The following THBS4 variants were observed in gnomAD, a reference collection of about 807,000 sequenced individuals.
THBS4 encodes thrombospondin-4.
Under a neutral mutation model 115.7 loss-of-function variants are expected in THBS4, and 90 were observed. The ratio of observed to expected loss-of-function variants is 0.78; its 90% CI spans 0.66 to 0.93. The LOEUF is 0.93. Ranked by LOEUF, THBS4 falls within the 40% of genes least tolerant of loss-of-function variation. The pLI is 0.00. For missense variants in THBS4, 1,087 were observed against 1,232.7 expected, an observed-to-expected ratio of 0.88 and a Z score of 1.77; for synonymous variants, 460 against 479.3, an observed-to-expected ratio of 0.96 and a Z score of 0.53.
At chr5:80,082,993 C>T in intron 21 of THBS4, 87 bp from the exon 22 acceptor site, 1 of 1,248,178 alleles carries the variant, frequency 8.0e-7, no homozygotes, top group Non-Finnish European at 1.2e-6. Context: ...ACAGCGCCCC[C>T]TACAGGACGC....
At chr5:80,021,061 G>C (rs1029973015) in intron 2 of THBS4, among the ~76,000 whole-genome samples, 1 of 152,156 alleles carries the variant, frequency 6.6e-6, no homozygotes, top group African/African-American at 2.4e-5. Flanking sequence ...TTGTTAAAAT[G>C]TTTTGGGCCA....
At chr5:80,064,317 A>G (rs1833736787) in intron 8 of THBS4, among the ~76,000 whole-genome samples, 1 of 152,224 alleles carries the variant, frequency 6.6e-6, no homozygotes, top group Admixed American at 6.5e-5. Context: ...CAGGGCTCTG[A>G]CTCAAGTCAA....
chr5:79,996,319 T>C (rs1010694913), intron 1 of THBS4, among the ~76,000 whole-genome samples: 1 of 152,230 alleles, frequency 6.6e-6, no homozygotes, highest in Non-Finnish European at 1.5e-5. Context: ...TCTTTAAATA[T>C]TCATTCAGTT....
rs1735912355 is a variant in THBS4, at chr5:80,082,456, T to C, written c.2735T>C (p.Ile912Thr). Residue 912 changes from isoleucine (I) to threonine (T), a missense_variant, in exon 21 of 22, where the codon ATA (isoleucine) becomes ACA (threonine). Ile to Thr is a moderately conservative substitution (Grantham distance 89). Around this residue, in one of 3 missense-constraint regions of THBS4, gnomAD observed 103 missense variants for 108.2 expected, o/e 0.95. Transcript: ENST00000350881. ...SELVADSGVTIDTTMRGGRLG... is the reference protein window; with the variant it reads ...SELVADSGVTTDTTMRGGRLG... Reference sequence around the variant, plus strand: ...TTGGTGGCTGACTCTGGCGTCACCATAGACACCACAATGCGTGGAGGCCGA... The same window carrying C: ...TTGGTGGCTGACTCTGGCGTCACCACAGACACCACAATGCGTGGAGGCCGA... 1.2e-6 allele frequency: 2 copies of C among 1,614,198 alleles called. No homozygotes were observed. Among genetic ancestry groups the C allele is most frequent in the Non-Finnish European group, 1.7e-6 (2 of 1,180,032 alleles).
chr5:80,079,330 C>T (rs1314181769), intron 19 of THBS4, 72 bp downstream of exon 19: 1 of 1,467,036 alleles, frequency 6.8e-7, no homozygotes, highest in Non-Finnish European at 9.1e-7. Flanking sequence ...ATTGTGTTTT[C>T]CCATGTGGTA....
intron 2 of THBS4, among the ~76,000 whole-genome samples, chr5:80,000,332 A>C (rs1054788463): frequency 6.6e-6 from 1 of 152,170 alleles, no homozygotes; most frequent in African/African-American, 2.4e-5. Context: ...TTCAGTTTCA[A>C]ATGTCTCAAA....
intron 19 of THBS4, 80 bp downstream of exon 19, chr5:80,079,338 GTACT>G (rs1395353032): frequency 7.0e-7 from 1 of 1,433,740 alleles, no homozygotes; most frequent in Admixed American, 2.5e-5. Flanking sequence ...TTCCCATGTG[GTACT>G]TAGTTAATCT....
chr5:80,020,245 G>A (rs1244423953), intron 2 of THBS4, among the ~76,000 whole-genome samples: 1 of 152,178 alleles, frequency 6.6e-6, no homozygotes, highest in Non-Finnish European at 1.5e-5. Context: ...AGCCGAGACA[G>A]GTGGATCACG....
intron 20 of THBS4, among the ~76,000 whole-genome samples, chr5:80,080,431 G>C (rs539652251): frequency 6.6e-6 from 1 of 152,026 alleles, no homozygotes; most frequent in Admixed American, 6.5e-5. Flanking sequence ...AGGTGTGGCA[G>C]GGTCTCTTCT....
At position 80,070,706 on chromosome 5, in the gene THBS4, G is replaced by A. The variant is rs367686922; in HGVS notation, c.1516G>A (p.Ala506Thr). The A allele has an allele frequency of 1.2e-5, 19 of 1,614,068 alleles. No individual in the cohort carries two copies. Among genetic ancestry groups the A allele is most frequent in the Middle Eastern group, 1.6e-4 (1 of 6,084 alleles). ...EDADRDGIGD[A>T]CDEDADGDGI... Reference sequence around the variant, plus strand: ...TGCAGACAGAGATGGCATTGGCGACGCTTGTGACGAGGATGCTGACGGAGA... The same window carrying A: ...TGCAGACAGAGATGGCATTGGCGACACTTGTGACGAGGATGCTGACGGAGA... The change falls in exon 12 of 22, where the codon GCT (alanine) becomes ACT (threonine). Residue 506 changes from alanine (A) to threonine (T), a missense_variant. Ala to Thr is a moderately conservative substitution (Grantham distance 58). Around this residue, in one of 3 missense-constraint regions of THBS4, gnomAD observed 979 missense variants for 1,103.7 expected, o/e 0.89. Coordinates refer to ENST00000350881, the MANE Select transcript of THBS4 (RefSeq NM_003248.6).
At chr5:80,004,539 A>G (rs1455987379) in intron 2 of THBS4, among the ~76,000 whole-genome samples, 2 of 152,168 alleles carry the variant, frequency 1.3e-5, no homozygotes, top group Non-Finnish European at 2.9e-5. Context: ...GAAATTCAGG[A>G]AAGACTAGAA....
chr5:80,068,056 C>G lies in THBS4; in HGVS notation c.1278C>G (p.Asn426Lys). The G allele has an allele frequency of 6.2e-7, 1 of 1,614,182 alleles. No homozygotes were observed. Among genetic ancestry groups the G allele is most frequent in the Non-Finnish European group, 8.5e-7 (1 of 1,180,034 alleles). Residue 426 changes from asparagine (N) to lysine (K), a missense_variant, in exon 10 of 22, where the codon AAC (asparagine) becomes AAG (lysine). Transcript: ENST00000350881. ...GCAAAGCGGAAAGAAACTGCAGAAACCCAGAGCTGAACCCTTGCAGTGTGA... is the reference window on the plus strand; with the variant it reads ...GCAAAGCGGAAAGAAACTGCAGAAAGCCAGAGCTGAACCCTTGCAGTGTGA... Reference protein sequence around the residue: ...RGCKAERNCRNPELNPCSVNA... With the variant: ...RGCKAERNCRKPELNPCSVNA...
chr5:80,070,651 CA>C lies in THBS4; in HGVS notation c.1464del (p.Lys488AsnfsTer30). 1 of 1,614,090 alleles carries C rather than the reference CA, an allele frequency of 6.2e-7. No individual in the cohort carries two copies. The highest frequency in any genetic ancestry group is 8.5e-7 in the Non-Finnish European group (1 of 1,179,988). On this transcript the variant is annotated frameshift_variant, in exon 12 of 22. Coordinates refer to ENST00000350881, the MANE Select transcript of THBS4 (RefSeq NM_003248.6). LOFTEE classifies it high-confidence loss of function. ...TGCATTTTCCCCCTAAGGACAACTG[CA>C]AATATGTGCCAAATTCTGGCCAAGA... ...SARNCKKDNC[K>X]YVPNSGQEDA...
chr5:80,032,964 T>A (rs529062354), upstream of THBS4, among the ~76,000 whole-genome samples: 9 of 152,290 alleles, frequency 5.9e-5, no homozygotes, highest in South Asian at 1.9e-3. Flanking sequence ...TTTGCTAGGA[T>A]CGAAAATTCC....
Position 80,076,912 on chromosome 5 carries a change from C to G in THBS4, c.1950C>G (p.Ala650=), listed in dbSNP as rs1236200970. Residue 650 remains alanine, a synonymous_variant, in exon 16 of 22, where the codon GCC becomes GCG. Transcript: ENST00000350881. ...ACTGCCCCACCGTCATTAACAGTGCCCAGCTGGACACCGATAAGGATGGAA... is the reference window on the plus strand; with the variant it reads ...ACTGCCCCACCGTCATTAACAGTGCGCAGCTGGACACCGATAAGGATGGAA... ...TDNCPTVINS[A]QLDTDKDGIG... 5 of 1,613,084 alleles carry G rather than the reference C, an allele frequency of 3.1e-6. No individual in the cohort carries two copies. The highest frequency in any genetic ancestry group is 4.2e-6 in the Non-Finnish European group (5 of 1,179,418).
intron 2 of THBS4, among the ~76,000 whole-genome samples, chr5:80,007,006 G>T (rs1189083243): frequency 6.6e-6 from 1 of 152,186 alleles, no homozygotes; most frequent in Admixed American, 6.5e-5. Flanking sequence ...GTGCATAAAT[G>T]AACAAAGTGG....
At chr5:80,013,417 G>T (rs1265863166) in intron 2 of THBS4, among the ~76,000 whole-genome samples, 1 of 152,154 alleles carries the variant, frequency 6.6e-6, no homozygotes, top group Non-Finnish European at 1.5e-5. Flanking sequence ...GGGATTACAG[G>T]CATGAGCCAC....
intron 2 of THBS4, among the ~76,000 whole-genome samples, chr5:80,012,032 C>A (rs139903754): frequency 4.6e-5 from 7 of 152,134 alleles, no homozygotes; most frequent in African/African-American, 1.4e-4. Flanking sequence ...ATGCTTATTA[C>A]CTGAATGACA....
chr5:80,082,200 A>C, intron 20 of THBS4: 7 of 461,366 alleles, frequency 1.5e-5, no homozygotes, highest in Non-Finnish European at 1.9e-5. Flanking sequence ...ACACACGGAC[A>C]CACACGGTCC....
Sources: gnomAD v4.1 joint callset for allele counts (sites outside exome capture counted in the v4.1 genomes callset) on GRCh38, gnomAD v4.1.1 for gene constraint, gnomAD v4.1.1 regional missense constraint, MANE v1.5 for transcripts, NCBI Gene and HGNC (gene_info 2026-07-23, HGNC 2026-07-21) for gene names.